Variants in GUCY1A2 observed in about 807,000 individuals in gnomAD.
GUCY1A2 encodes the protein guanylate cyclase soluble subunit alpha-2.
GUCY1A2 carries 27 observed loss-of-function variants against 63.5 expected under a neutral mutation model. The ratio of observed to expected loss-of-function variants is 0.43; its 90% CI spans 0.31 to 0.59. The LOEUF (loss-of-function observed/expected upper bound fraction) is 0.59, where lower values mean the gene tolerates loss of function less well. Ranked by LOEUF, GUCY1A2 falls within the 20% of genes least tolerant of loss-of-function variation. The pLI is 0.11. For synonymous variants in GUCY1A2, 364 were observed against 343.5 expected, an observed-to-expected ratio of 1.06 and a Z score of -0.66; for missense variants, 768 against 913.3, an observed-to-expected ratio of 0.84 and a Z score of 2.05.
intron 4 of GUCY1A2, among the ~76,000 whole-genome samples, chr11:106,855,965 A>T (rs1859427135): frequency 6.6e-6 from 1 of 150,690 alleles, no homozygotes. Context: ...TCATTCCATC[A>T]CCCAGGCTGG....
At position 106,994,927 on chromosome 11, in the gene GUCY1A2, T is replaced by C. The variant is rs1052842039; in HGVS notation, c.304-8796A>G. 8.5e-5 allele frequency among the ~76,000 whole-genome samples: 13 copies of C among 152,320 alleles called. 1 individual carries two copies. Among genetic ancestry groups the C allele is most frequent in the Admixed American group, 7.8e-4 (12 of 15,304 alleles). On this transcript the variant is annotated intron_variant, in intron 1 of 7. Coordinates refer to ENST00000526355, the MANE Select transcript of GUCY1A2 (RefSeq NM_000855.3). ...TCCAGTATGCTCATTAACTTCTTAATAGTGAGATTTTAGGAGATATTAATA... is the reference window on the plus strand; with the variant it reads ...TCCAGTATGCTCATTAACTTCTTAACAGTGAGATTTTAGGAGATATTAATA...
intron 1 of GUCY1A2, among the ~76,000 whole-genome samples, chr11:107,005,236 C>T (rs1004224230): frequency 3.3e-5 from 5 of 152,180 alleles, no homozygotes; most frequent in African/African-American, 1.2e-4. Flanking sequence ...ACAATAGCTG[C>T]TGTGGACATA....
chr11:106,774,128 T>C (rs1036477479), intron 6 of GUCY1A2, among the ~76,000 whole-genome samples: 11 of 152,178 alleles, frequency 7.2e-5, no homozygotes, highest in African/African-American at 2.6e-4. Context: ...CCAATCAATG[T>C]CACTTTTATA....
rs539983028 is a variant in GUCY1A2, at chr11:106,965,127, C to G, written c.487+13492G>C. Among the ~76,000 whole-genome samples the G allele has an allele frequency of 2.6e-5, 4 of 151,696 alleles. 1 individual carries two copies. The highest frequency in any genetic ancestry group is 6.8e-3 in the Middle Eastern group (2 of 294). ...GGTTCTTTTAATGGAAGATGTGTCACAATTACCACTTATTTTTGGAAACAG... is the reference window on the plus strand; with the variant it reads ...GGTTCTTTTAATGGAAGATGTGTCAGAATTACCACTTATTTTTGGAAACAG... On this transcript the variant is annotated intron_variant, in intron 3 of 7. Coordinates refer to ENST00000526355, the MANE Select transcript of GUCY1A2 (RefSeq NM_000855.3).
intron 4 of GUCY1A2, among the ~76,000 whole-genome samples, chr11:106,886,125 T>A (rs1859897319): frequency 6.6e-6 from 1 of 152,160 alleles, no homozygotes; most frequent in South Asian, 2.1e-4. Flanking sequence ...TACACTGCCA[T>A]CCAGAAAGGA....
intron 3 of GUCY1A2, among the ~76,000 whole-genome samples, chr11:106,954,346 T>C (rs567328697): frequency 2.0e-5 from 3 of 152,302 alleles, no homozygotes; most frequent in South Asian, 2.1e-4. Flanking sequence ...AATCCTGAGT[T>C]CTAATTTGAT....
intron 5 of GUCY1A2, among the ~76,000 whole-genome samples, chr11:106,786,233 A>G (rs1294009712): frequency 6.6e-6 from 1 of 152,150 alleles, no homozygotes; most frequent in Admixed American, 6.5e-5. Flanking sequence ...AAAAACAAAA[A>G]CAAAACAAAA....
chr11:106,998,271 T>C (rs1861566856), intron 1 of GUCY1A2, among the ~76,000 whole-genome samples: 2 of 152,224 alleles, frequency 1.3e-5, no homozygotes, highest in South Asian at 2.1e-4. Flanking sequence ...ATTAGTAACT[T>C]GGAAAAGGAG....
At chr11:106,814,808 A>C (rs1217261060) in intron 4 of GUCY1A2, among the ~76,000 whole-genome samples, 1 of 152,268 alleles carries the variant, frequency 6.6e-6, no homozygotes, top group South Asian at 2.1e-4. Flanking sequence ...ATTGACTGTT[A>C]AAATAAAAAT....
At position 106,681,155 on chromosome 11, in the gene GUCY1A2, CTT is replaced by C. The variant is rs1253000027; in HGVS notation, c.*6392_*6393del. The stretch of plus-strand genomic sequence containing the variant: ...GTATTACTGAATAATCATTTTCAGA[CTT>C]TTATTTATTGTGCTACAGGTGACTT... On this transcript the variant is annotated 3_prime_UTR_variant, in exon 8 of 8. Transcript: ENST00000526355. 6 of 214,004 alleles carry C rather than the reference CTT, an allele frequency of 2.8e-5. No homozygotes were observed. Among genetic ancestry groups the C allele is most frequent in the Non-Finnish European group, 4.7e-5 (5 of 105,830 alleles). 13.3% of individuals were successfully genotyped at this position (214,004 alleles called of 1,614,324 possible). A position where few individuals can be genotyped will look rare whatever the true frequency, so the allele number is the denominator to read the frequency against.
chr11:106,850,459 G>T (rs1465211826), intron 4 of GUCY1A2, among the ~76,000 whole-genome samples: 1 of 151,704 alleles, frequency 6.6e-6, no homozygotes, highest in Non-Finnish European at 1.5e-5. Flanking sequence ...CACCTATCTA[G>T]CTGTAATTTT....
chr11:106,964,844 G>A (rs1175056320), intron 3 of GUCY1A2, among the ~76,000 whole-genome samples: 1 of 152,102 alleles, frequency 6.6e-6, no homozygotes, highest in Non-Finnish European at 1.5e-5. Context: ...GCTGGGCGTG[G>A]TGGCGGGCAC....
chr11:106,971,672 T>C (rs1245438560), intron 3 of GUCY1A2, among the ~76,000 whole-genome samples: 1 of 152,086 alleles, frequency 6.6e-6, no homozygotes, highest in African/African-American at 2.4e-5. Flanking sequence ...TGAATACATA[T>C]AAAAATGTTT....
At chr11:106,948,807 T>C (rs1860864931) in intron 3 of GUCY1A2, among the ~76,000 whole-genome samples, 1 of 152,128 alleles carries the variant, frequency 6.6e-6, no homozygotes, top group Non-Finnish European at 1.5e-5. Flanking sequence ...AAAAGAATGG[T>C]TTACTTAATA....
At chr11:106,739,172 C>T (rs1863644513) in intron 6 of GUCY1A2, among the ~76,000 whole-genome samples, 1 of 152,136 alleles carries the variant, frequency 6.6e-6, no homozygotes, top group South Asian at 2.1e-4. Context: ...TGGGAGTTCA[C>T]TCATGATTTG....
intron 4 of GUCY1A2, among the ~76,000 whole-genome samples, chr11:106,865,215 T>C (rs1370759769): frequency 1.3e-5 from 2 of 152,096 alleles, no homozygotes; most frequent in Admixed American, 6.6e-5. Flanking sequence ...TGATGGTAGT[T>C]TGTATTTCTC....
rs1298032838 is a variant in GUCY1A2 at position 106,685,933 on chromosome 11, C to T, written c.*1616G>A. On this transcript the variant is annotated 3_prime_UTR_variant, in exon 8 of 8. Coordinates refer to ENST00000526355, the MANE Select transcript of GUCY1A2 (RefSeq NM_000855.3). ...GCCACACACATAGAAAATTTAAAAA[C>T]ATTAAATGAACCTCATAGACTACAT... is the stretch of plus-strand genomic sequence containing the variant. The T allele has an allele frequency of 4.5e-6, 1 of 224,530 alleles. No individual in the cohort carries two copies. The highest frequency in any genetic ancestry group is 8.9e-6 in the Non-Finnish European group (1 of 112,636). 13.9% of individuals were successfully genotyped at this position (224,530 alleles called of 1,614,324 possible). A position where few individuals can be genotyped will look rare whatever the true frequency, so the allele number is the denominator to read the frequency against.
At chr11:106,784,641 C>T (rs188052130) in intron 5 of GUCY1A2, among the ~76,000 whole-genome samples, 46 of 152,276 alleles carry the variant, frequency 3.0e-4, no homozygotes, top group Non-Finnish European at 4.3e-4. Flanking sequence ...TTTTATCCTT[C>T]CCCATAAATG....
chr11:106,730,207 A>G (rs1863479263), intron 6 of GUCY1A2, among the ~76,000 whole-genome samples: 1 of 150,966 alleles, frequency 6.6e-6, no homozygotes, highest in Admixed American at 6.6e-5. Flanking sequence ...TTGTACAGAT[A>G]ATTTCATCAC....
Sources: gnomAD v4.1 joint callset for allele counts (sites outside exome capture counted in the v4.1 genomes callset) on GRCh38, gnomAD v4.1.1 for gene constraint, MANE v1.5 for transcripts, NCBI Gene and HGNC (gene_info 2026-07-23, HGNC 2026-07-21) for gene names.